Variants in SDK1 observed in about 807,000 individuals in gnomAD.
SDK1 encodes sidekick cell adhesion molecule 1.
SDK1 carries 157 observed loss-of-function variants against 245.5 expected under a neutral mutation model. That is an observed-to-expected ratio of 0.64 (90% CI 0.56 to 0.73). SDK1 has a LOEUF of 0.73. Among genes scored for constraint, SDK1 ranks in the 30% least tolerant of loss-of-function variants. The probability of loss-of-function intolerance (pLI) is 0.00; values close to 1 mark genes in which losing one functional copy is unlikely to be tolerated. For missense variants in SDK1, 3,583 were observed against 3,002.3 expected (o/e 1.19, Z -4.52); for synonymous variants, 1,647 against 1,278.5 (o/e 1.29, Z -6.15).
chr7:3,481,916 T>G (rs1781534200), intron 1 of SDK1, among the ~76,000 whole-genome samples: 1 of 152,194 alleles, frequency 6.6e-6, no homozygotes, highest in South Asian at 2.1e-4. Flanking sequence ...GAGAAAGGAA[T>G]GCTTAATCAA....
chr7:3,577,580 A>T (rs1207352003), intron 1 of SDK1, among the ~76,000 whole-genome samples: 2 of 151,984 alleles, frequency 1.3e-5, no homozygotes, highest in Non-Finnish European at 2.9e-5. Flanking sequence ...ACCTCCCTCC[A>T]GGTAATCCTC....
chr7:4,175,639 T>G, intron 33 of SDK1, 136 bp from the exon 34 acceptor site: 3 of 761,474 alleles, frequency 3.9e-6, no homozygotes, highest in Non-Finnish European at 7.0e-6. Context: ...GGGGTCTTTA[T>G]TGCCCCGGGA....
At chr7:3,945,652 T>G (rs567944573) in intron 5 of SDK1, among the ~76,000 whole-genome samples, 1 of 152,086 alleles carries the variant, frequency 6.6e-6, no homozygotes, top group Admixed American at 6.5e-5. Flanking sequence ...TCCCAGCACT[T>G]CGGGAGGCCA....
intron 17 of SDK1, among the ~76,000 whole-genome samples, chr7:4,047,039 C>T (rs920522642): frequency 9.9e-5 from 15 of 152,160 alleles, no homozygotes; most frequent in African/African-American, 3.4e-4. Context: ...TTTCCGTGCA[C>T]AGCTATTGCA....
At chr7:3,687,354 C>T (rs1340482819) in intron 4 of SDK1, among the ~76,000 whole-genome samples, 1 of 152,010 alleles carries the variant, frequency 6.6e-6, no homozygotes, top group Non-Finnish European at 1.5e-5. Flanking sequence ...GTCTCCATCT[C>T]TTGACCTCAT....
intron 5 of SDK1, among the ~76,000 whole-genome samples, chr7:3,866,295 T>G (rs912691282): frequency 6.6e-6 from 1 of 152,150 alleles, no homozygotes; most frequent in Non-Finnish European, 1.5e-5. Context: ...CTCAGGGAAT[T>G]CTAGGACAAG....
chr7:4,265,883 G>A lies in SDK1; in HGVS notation c.*499G>A. 1.0e-6 allele frequency: 1 copy of A among 987,362 alleles called. No homozygotes were observed. Among genetic ancestry groups the A allele is most frequent in the Non-Finnish European group, 1.2e-6 (1 of 831,416 alleles). The allele number at this position is 987,362 out of a possible 1,614,324, so 61.2% of individuals were successfully genotyped here. A position where few individuals can be genotyped will look rare whatever the true frequency, so the allele number is the denominator to read the frequency against. ...GGCTCCTGGGGTTTGAAGAGCAAAC[G>A]TTTTTCCCTGGGCTCAGTGCGTTTT... On this transcript the variant is annotated 3_prime_UTR_variant, in exon 45 of 45. Coordinates refer to ENST00000404826, the MANE Select transcript of SDK1 (RefSeq NM_152744.4).
intron 4 of SDK1, among the ~76,000 whole-genome samples, chr7:3,739,780 G>C (rs1485208262): frequency 1.3e-5 from 2 of 151,864 alleles, no homozygotes; most frequent in Admixed American, 1.3e-4. Context: ...TCTATTGATT[G>C]CTTTTTTTCC....
chr7:3,980,187 C>A (rs1249332904), intron 13 of SDK1, among the ~76,000 whole-genome samples: 1 of 152,218 alleles, frequency 6.6e-6, no homozygotes, highest in Non-Finnish European at 1.5e-5. Context: ...TCTGCCAGAG[C>A]AATTCCCCCT....
intron 1 of SDK1, among the ~76,000 whole-genome samples, chr7:3,333,555 G>A (rs1283741589): frequency 6.6e-6 from 1 of 152,020 alleles, no homozygotes; most frequent in Non-Finnish European, 1.5e-5. Context: ...TGGATTCCAG[G>A]CTCATCTCTA....
intron 20 of SDK1, 54 bp from the exon 21 acceptor site, chr7:4,076,944 G>C: frequency 1.1e-5 from 16 of 1,494,322 alleles, no homozygotes; most frequent in Non-Finnish European, 1.5e-5. Flanking sequence ...TGGAATTCAG[G>C]TGAGCCCTTG....
intron 1 of SDK1, among the ~76,000 whole-genome samples, chr7:3,546,839 G>T (rs2128621982): frequency 6.6e-6 from 1 of 152,306 alleles, no homozygotes; most frequent in East Asian, 1.9e-4. Context: ...ACCCGTTAGA[G>T]TTTATGAAGT....
In SDK1 at chr7:3,332,048, A is replaced by C. The variant is rs144391055; in HGVS notation, c.298+30164A>C. Among the ~76,000 whole-genome samples, 216 of 152,296 alleles carry C rather than the reference A, an allele frequency of 1.4e-3. 1 individual carries two copies. The highest frequency in any genetic ancestry group is 5.0e-3 in the African/African-American group (208 of 41,568). On this transcript the variant is annotated intron_variant, in intron 1 of 44. Transcript: ENST00000404826. Reference sequence around the variant, plus strand: ...AGTATTAAGCCTCTTTATGCTTAGAAGATGGTGTTGAATCTGTTTCAGGTT... The same window carrying C: ...AGTATTAAGCCTCTTTATGCTTAGACGATGGTGTTGAATCTGTTTCAGGTT...
At chr7:4,220,385 G>A in intron 39 of SDK1, 115 bp downstream of exon 39, 1 of 1,174,920 alleles carries the variant, frequency 8.5e-7, no homozygotes, top group Non-Finnish European at 1.2e-6. Context: ...GCGGCCAAGA[G>A]CTGGCATCAA....
rs1788561328 is a variant in SDK1 at position 4,267,814 on chromosome 7, G to C, written c.*2430G>C. On this transcript the variant is annotated 3_prime_UTR_variant, in exon 45 of 45. Coordinates refer to ENST00000404826, the MANE Select transcript of SDK1 (RefSeq NM_152744.4). The stretch of plus-strand genomic sequence containing the variant: ...ATCTGTACGGAGCGGCCTGTCCGAG[G>C]CTACGCCGGCCTCCTGGCTGCTGCT... 2 of 985,470 alleles carry C rather than the reference G, an allele frequency of 2.0e-6. No homozygotes were observed. The highest frequency in any genetic ancestry group is 9.4e-5 in the South Asian group (2 of 21,292). The allele number at this position is 985,470 out of a possible 1,614,324, so 61.0% of individuals were successfully genotyped here. A position where few individuals can be genotyped will look rare whatever the true frequency, so the allele number is the denominator to read the frequency against.
intron 5 of SDK1, among the ~76,000 whole-genome samples, chr7:3,824,692 A>C (rs1217724801): frequency 6.6e-6 from 1 of 152,194 alleles, no homozygotes; most frequent in Non-Finnish European, 1.5e-5. Context: ...TGAGAGTTCA[A>C]AAACGTCACC....
intron 1 of SDK1, among the ~76,000 whole-genome samples, chr7:3,510,424 G>A (rs1161229383): frequency 2.0e-5 from 3 of 152,112 alleles, no homozygotes; most frequent in Admixed American, 6.6e-5. Flanking sequence ...CAAGGCACTC[G>A]GTCTTCTAAA....
At chr7:3,541,695 G>C (rs887582091) in intron 1 of SDK1, among the ~76,000 whole-genome samples, 4 of 152,050 alleles carry the variant, frequency 2.6e-5, no homozygotes, top group African/African-American at 9.7e-5. Flanking sequence ...TCTGCATCTA[G>C]GCATGTATCT....
intron 18 of SDK1, among the ~76,000 whole-genome samples, chr7:4,050,997 TG>T (rs1424675170): frequency 7.0e-6 from 1 of 142,234 alleles, no homozygotes; most frequent in African/African-American, 2.6e-5. Context: ...ATGTTATATA[TG>T]TTATATATAG....
Sources: gnomAD v4.1 joint callset for allele counts (sites outside exome capture counted in the v4.1 genomes callset) on GRCh38, gnomAD v4.1.1 for gene constraint, MANE v1.5 for transcripts, NCBI Gene and HGNC (gene_info 2026-07-23, HGNC 2026-07-21) for gene names.